Variants in TBC1D5 observed in about 807,000 individuals in gnomAD.
The protein encoded by TBC1D5 is TBC1 domain family, member 5.
In TBC1D5, 75 loss-of-function variants were observed where a neutral mutation model predicts 100.3. That is an observed-to-expected ratio of 0.75 (90% CI 0.62 to 0.91). The LOEUF (loss-of-function observed/expected upper bound fraction) is 0.91, where lower values mean the gene tolerates loss of function less well. Ranked by LOEUF, TBC1D5 falls within the 40% of genes least tolerant of loss-of-function variation. The pLI is 0.00. For synonymous variants in TBC1D5, 323 were observed against 325.6 expected (o/e 0.99, Z 0.09); for missense variants, 910 against 942.4 (o/e 0.97, Z 0.45).
At chr3:17,373,369 A>G (rs2092561538) in intron 12 of TBC1D5, among the ~76,000 whole-genome samples, 2 of 152,290 alleles carry the variant, frequency 1.3e-5, no homozygotes, top group South Asian at 2.1e-4. Context: ...ACTGGAAACA[A>G]TATACCAAAT....
At chr3:17,650,969 C>G (rs577082915) in intron 1 of TBC1D5, among the ~76,000 whole-genome samples, 49 of 152,240 alleles carry the variant, frequency 3.2e-4, no homozygotes, top group African/African-American at 1.1e-3. Context: ...ACTCCCAGTG[C>G]TATCAGGTCA....
intron 16 of TBC1D5, among the ~76,000 whole-genome samples, chr3:17,244,215 C>T (rs1334169556): frequency 6.6e-6 from 1 of 152,164 alleles, no homozygotes; most frequent in African/African-American, 2.4e-5. Flanking sequence ...AGATACACAG[C>T]CTAGTTCTAG....
chr3:17,480,109 T>A (rs1008146722), intron 3 of TBC1D5, among the ~76,000 whole-genome samples: 5 of 152,170 alleles, frequency 3.3e-5, no homozygotes, highest in African/African-American at 4.8e-5. Context: ...CCCAGCTGGG[T>A]GTGCACACAC....
chr3:17,678,183 AT>A (rs1265587601), intron 1 of TBC1D5, among the ~76,000 whole-genome samples: 1 of 152,224 alleles, frequency 6.6e-6, no homozygotes, highest in Non-Finnish European at 1.5e-5. Context: ...ATTGATAAAA[AT>A]AAGACAATTC....
chr3:17,491,064 G>T (rs538347318), intron 3 of TBC1D5, among the ~76,000 whole-genome samples: 1 of 152,028 alleles, frequency 6.6e-6, no homozygotes, highest in East Asian at 1.9e-4. Context: ...TTATTATCTT[G>T]TTAGCAATTG....
chr3:17,590,692 T>C (rs1218417612), intron 2 of TBC1D5, among the ~76,000 whole-genome samples: 3 of 152,118 alleles, frequency 2.0e-5, no homozygotes, highest in East Asian at 1.9e-4. Flanking sequence ...ATGGGAACAG[T>C]TGGATCCCGA....
intron 1 of TBC1D5, among the ~76,000 whole-genome samples, chr3:17,703,062 G>GT (rs1404205150): frequency 1.3e-5 from 2 of 151,844 alleles, no homozygotes; most frequent in African/African-American, 4.8e-5. Context: ...AATTTATGAA[G>GT]TTAAAAAAAA....
chr3:17,704,500 G>A (rs1267893809), intron 1 of TBC1D5, among the ~76,000 whole-genome samples: 22 of 123,044 alleles, frequency 1.8e-4, no homozygotes, highest in South Asian at 6.1e-4. Flanking sequence ...AGGGGCGGCC[G>A]GGCAGAGGCG....
At chr3:17,671,378 GC>G (rs1463944308) in intron 1 of TBC1D5, among the ~76,000 whole-genome samples, 3 of 152,072 alleles carry the variant, frequency 2.0e-5, no homozygotes, top group Non-Finnish European at 4.4e-5. Context: ...AACCAAAAAG[GC>G]AACCTAAGCA....
At chr3:17,698,968 T>G (rs2072649399) in intron 1 of TBC1D5, among the ~76,000 whole-genome samples, 1 of 146,604 alleles carries the variant, frequency 6.8e-6, no homozygotes, top group Non-Finnish European at 1.5e-5. Flanking sequence ...GTTCAACCAT[T>G]GTGGAAGTCA....
At chr3:17,735,675 G>C (rs2076909195) in intron 1 of TBC1D5, among the ~76,000 whole-genome samples, 1 of 152,210 alleles carries the variant, frequency 6.6e-6, no homozygotes, top group Non-Finnish European at 1.5e-5. Flanking sequence ...GACGAACCCA[G>C]GCATTTAGCC....
intron 15 of TBC1D5, among the ~76,000 whole-genome samples, chr3:17,281,172 C>A (rs945058758): frequency 6.6e-6 from 1 of 152,188 alleles, no homozygotes; most frequent in Non-Finnish European, 1.5e-5. Context: ...TACATCTTTA[C>A]GTGTTTCAAC....
chr3:17,223,532 G>A (rs1350701556), intron 17 of TBC1D5, among the ~76,000 whole-genome samples: 1 of 152,130 alleles, frequency 6.6e-6, no homozygotes, highest in East Asian at 1.9e-4. Flanking sequence ...ACCACTAGAA[G>A]CATCGTAAGT....
At chr3:17,428,598 G>A in intron 3 of TBC1D5, 79 bp from the exon 4 acceptor site, 1 of 645,136 alleles carries the variant, frequency 1.6e-6, no homozygotes, top group Non-Finnish European at 2.3e-6. Flanking sequence ...AAAGCTCTAC[G>A]CAATATATTA....
At chr3:17,352,683 C>CAAAAAAAAAAAAAAAAAAAAA (rs1363926293) in intron 13 of TBC1D5, among the ~76,000 whole-genome samples, 8 of 94,894 alleles carry the variant, frequency 8.4e-5, no homozygotes, top group South Asian at 3.8e-4. Flanking sequence ...AAGCAAAAGG[C>CAAAAAAAAAAAAAAAAAAAAA]AAAAAAAAAA....
chr3:17,228,398 T>A (rs572261492), intron 17 of TBC1D5, among the ~76,000 whole-genome samples: 1 of 152,296 alleles, frequency 6.6e-6, no homozygotes, highest in Admixed American at 6.5e-5. Flanking sequence ...ATAAACCATG[T>A]CTAGTGGAAG....
At chr3:17,302,877 C>T (rs1357485300) in intron 14 of TBC1D5, among the ~76,000 whole-genome samples, 1 of 152,170 alleles carries the variant, frequency 6.6e-6, no homozygotes. Flanking sequence ...GAGATTTAAA[C>T]TACTAAGTGT....
exon 22 of TBC1D5, chr3:17,157,565 G>GCAGGGGC (rs1426582126): frequency 4.2e-5 from 6 of 144,244 alleles, no homozygotes; most frequent in Admixed American, 3.0e-4. Context: ...GACACACAGG[G>GCAGGGGC]CAGGGGCCAG....
At chr3:17,388,296 A>G (rs1417610981) in intron 8 of TBC1D5, among the ~76,000 whole-genome samples, 2 of 152,126 alleles carry the variant, frequency 1.3e-5, no homozygotes, top group African/African-American at 4.8e-5. Context: ...TCTATCTTGA[A>G]ATAAACCAAA....
Sources: gnomAD v4.1 joint callset for allele counts (sites outside exome capture counted in the v4.1 genomes callset) on GRCh38, gnomAD v4.1.1 for gene constraint, MANE v1.5 for transcripts, NCBI Gene and HGNC (gene_info 2026-07-23, HGNC 2026-07-21) for gene names.